Variants in DACH2 observed in about 807,000 individuals in gnomAD.
DACH2 encodes dachshund homolog 2.
Under a neutral mutation model 35.8 loss-of-function variants are expected in DACH2, and 17 were observed. That is an observed-to-expected ratio of 0.48 (90% confidence interval 0.33 to 0.71). DACH2 has a LOEUF of 0.71. DACH2 is among the 30% of genes least tolerant of loss of function. The pLI, the probability that DACH2 is intolerant of heterozygous loss-of-function variation, is 0.02. For synonymous variants in DACH2, 195 were observed against 177.3 expected, an observed-to-expected ratio of 1.10 and a Z score of -0.79; for missense variants, 469 against 472.7, an observed-to-expected ratio of 0.99 and a Z score of 0.07.
intron 2 of DACH2, among the ~76,000 whole-genome samples, chrX:86,432,406 G>T (rs747362287): frequency 8.9e-6 from 1 of 112,105 alleles, no homozygotes; most frequent in South Asian, 3.7e-4. Flanking sequence ...CTGGTACTGA[G>T]TGACAGTAAT....
chrX:86,697,846 A>G (rs989891646), intron 5 of DACH2, among the ~76,000 whole-genome samples: 1 of 111,737 alleles, frequency 8.9e-6, no homozygotes, highest in Non-Finnish European at 1.9e-5. Flanking sequence ...TGACTGAAAT[A>G]AAATAACAGA....
intron 2 of DACH2, among the ~76,000 whole-genome samples, chrX:86,393,217 A>G (rs1330884196): frequency 9.0e-6 from 1 of 111,005 alleles, no homozygotes; most frequent in Non-Finnish European, 1.9e-5. Context: ...TCTCTCTCAC[A>G]TTCAGAATTT....
At chrX:86,677,102 C>T (rs1424390663) in intron 4 of DACH2, among the ~76,000 whole-genome samples, 3 of 111,963 alleles carry the variant, frequency 2.7e-5, no homozygotes, top group Non-Finnish European at 5.6e-5. Flanking sequence ...AAATGCCCAA[C>T]ATAGCCATTT....
chrX:86,177,578 A>T (rs1288735332), intron 1 of DACH2, among the ~76,000 whole-genome samples: 2 of 111,679 alleles, frequency 1.8e-5, no homozygotes, highest in African/African-American at 6.5e-5. Context: ...CCTAGGAAAC[A>T]AATTTTCTCT....
chrX:86,640,255 C>A (rs773958158), intron 3 of DACH2, among the ~76,000 whole-genome samples: 50 of 111,289 alleles, frequency 4.5e-4, no homozygotes, highest in African/African-American at 1.6e-3. Flanking sequence ...CCAAAGGCAA[C>A]TGAAAACCTC....
chrX:86,385,086 G>A (rs1260822739), intron 2 of DACH2, among the ~76,000 whole-genome samples: 1 of 111,443 alleles, frequency 9.0e-6, no homozygotes, highest in African/African-American at 3.2e-5. Context: ...CAAACAGTAT[G>A]TTAGTGTAAC....
chrX:86,781,595 A>T (rs1411171721), intron 7 of DACH2, among the ~76,000 whole-genome samples: 2 of 111,640 alleles, frequency 1.8e-5, no homozygotes, highest in Non-Finnish European at 3.8e-5. Context: ...CCAATGAAAG[A>T]ACTCCATTCT....
At chrX:86,385,626 AT>A (rs746494316) in intron 2 of DACH2, among the ~76,000 whole-genome samples, 2 of 111,190 alleles carry the variant, frequency 1.8e-5, no homozygotes, top group Non-Finnish European at 3.8e-5. Context: ...GCATCCATAG[AT>A]TTTTGTATCT....
At chrX:86,384,980 C>CT (rs2036102801) in intron 2 of DACH2, among the ~76,000 whole-genome samples, 1 of 111,564 alleles carries the variant, frequency 9.0e-6, no homozygotes, top group Non-Finnish European at 1.9e-5. Context: ...ATAGAGAATA[C>CT]TTTTTCTGAA....
chrX:86,414,080 G>A (rs2148148023), intron 2 of DACH2, among the ~76,000 whole-genome samples: 1 of 111,581 alleles, frequency 9.0e-6, no homozygotes, highest in Admixed American at 9.5e-5. Context: ...CAGTAAGGTA[G>A]TGGGATTCTT....
intron 1 of DACH2, among the ~76,000 whole-genome samples, chrX:86,231,080 G>A (rs1271884756): frequency 8.9e-6 from 1 of 112,105 alleles, no homozygotes; most frequent in African/African-American, 3.2e-5. Context: ...ACCTTAGATT[G>A]TCTGTTTGTC....
intron 3 of DACH2, among the ~76,000 whole-genome samples, chrX:86,580,087 G>A (rs2039483260): frequency 9.0e-6 from 1 of 111,726 alleles, no homozygotes; most frequent in African/African-American, 3.3e-5. Flanking sequence ...GCTCATGAGA[G>A]TTTGAGCATG....
chrX:86,211,092 G>A (rs777953672), intron 1 of DACH2, among the ~76,000 whole-genome samples: 16 of 111,464 alleles, frequency 1.4e-4, no homozygotes, highest in Non-Finnish European at 2.8e-4. Context: ...GGTTTGTTCT[G>A]TTATTGATAG....
chrX:86,382,058 C>T (rs1346757359), intron 2 of DACH2, among the ~76,000 whole-genome samples: 5 of 110,905 alleles, frequency 4.5e-5, no homozygotes, highest in Non-Finnish European at 5.7e-5. Context: ...TTGATTCCAG[C>T]AGTACTTTTA....
At chrX:86,224,458 C>T (rs768422031) in intron 1 of DACH2, among the ~76,000 whole-genome samples, 9 of 111,183 alleles carry the variant, frequency 8.1e-5, no homozygotes, top group East Asian at 2.8e-4. Flanking sequence ...CACACTGAAT[C>T]GTAACAATAA....
At chrX:86,270,037 ATAT>A (rs2033785830) in intron 1 of DACH2, among the ~76,000 whole-genome samples, 1 of 95,790 alleles carries the variant, frequency 1.0e-5, no homozygotes, top group East Asian at 3.1e-4. Context: ...ATATATATAT[ATAT>A]TTTTTTTTTT....
intron 4 of DACH2, among the ~76,000 whole-genome samples, chrX:86,686,962 C>T (rs1464906689): frequency 1.8e-5 from 2 of 112,268 alleles, no homozygotes; most frequent in South Asian, 3.7e-4. Context: ...GATTTTGGGA[C>T]TTTCCTTGAA....
intron 3 of DACH2, among the ~76,000 whole-genome samples, chrX:86,541,589 C>T (rs1482695675): frequency 1.8e-5 from 2 of 111,218 alleles, no homozygotes; most frequent in African/African-American, 6.5e-5. Context: ...GGAAGAAAAA[C>T]ATATCTGATT....
At chrX:86,515,623 G>A (rs1454909844) in intron 3 of DACH2, among the ~76,000 whole-genome samples, 2 of 112,060 alleles carry the variant, frequency 1.8e-5, no homozygotes, top group Non-Finnish European at 3.8e-5. Flanking sequence ...TAGACCAGTG[G>A]TTTCCAAAGT....
Sources: gnomAD v4.1 joint callset for allele counts (sites outside exome capture counted in the v4.1 genomes callset) on GRCh38, gnomAD v4.1.1 for gene constraint, MANE v1.5 for transcripts, NCBI Gene and HGNC (gene_info 2026-07-23, HGNC 2026-07-21) for gene names.